IFT88: variants seen among roughly 807,000 people sequenced by gnomAD.
The protein encoded by IFT88 is intraflagellar transport 88, also known as intraflagellar transport protein 88 homolog.
A neutral mutation model predicts 119.5 loss-of-function variants in IFT88; 74 were observed. That is an observed-to-expected ratio of 0.62 (90% CI 0.51 to 0.75). The LOEUF (loss-of-function observed/expected upper bound fraction) is 0.75. Among genes scored for constraint, IFT88 ranks in the 30% least tolerant of loss-of-function variants. IFT88 has a pLI of 0.00. For missense variants in IFT88, 961 were observed against 977.7 expected (o/e 0.98, Z 0.23); for synonymous variants, 279 against 316.7 (o/e 0.88, Z 1.26).
intron 16 of IFT88, among the ~76,000 whole-genome samples, chr13:20,638,071 A>C (rs956624558): frequency 3.3e-5 from 5 of 152,188 alleles, no homozygotes; most frequent in Non-Finnish European, 7.3e-5. Context: ...TTGGGCGTTG[A>C]GTATGGAACC....
At chr13:20,633,478 G>A (rs2048519491) in intron 16 of IFT88, among the ~76,000 whole-genome samples, 1 of 152,180 alleles carries the variant, frequency 6.6e-6, no homozygotes, top group African/African-American at 2.4e-5. Flanking sequence ...CTGGTGGCCA[G>A]TAGCACCTCC....
intron 25 of IFT88, 89 bp downstream of exon 25, chr13:20,690,904 G>T (rs1408887963): frequency 1.4e-6 from 2 of 1,386,628 alleles, no homozygotes; most frequent in Non-Finnish European, 2.0e-6. Flanking sequence ...GAATTCTTAA[G>T]AATTTGATAT....
chr13:20,650,706 A>G (rs2051504866), intron 20 of IFT88, among the ~76,000 whole-genome samples: 1 of 152,208 alleles, frequency 6.6e-6, no homozygotes, highest in Admixed American at 6.5e-5. Flanking sequence ...TCTTATATGT[A>G]GAAATCCCTA....
At chr13:20,615,335 G>A (rs1472887083) in intron 13 of IFT88, among the ~76,000 whole-genome samples, 3 of 152,024 alleles carry the variant, frequency 2.0e-5, no homozygotes, top group African/African-American at 7.3e-5. Flanking sequence ...ATATATGTAC[G>A]TACGTGTACA....
intron 23 of IFT88, among the ~76,000 whole-genome samples, chr13:20,668,173 G>A (rs118143240): frequency 0.041 from 6,266 of 152,282 alleles, 428 homozygotes; most frequent in Admixed American, 0.18. Flanking sequence ...TGGAATACCC[G>A]GTGGGGCATC....
chr13:20,598,755 T>G lies in IFT88; in HGVS notation c.697+2T>G, dbSNP rs749229770. On this transcript the variant is annotated splice_donor_variant, in intron 10 of 25. Coordinates refer to ENST00000351808, the MANE Select transcript of IFT88 (RefSeq NM_006531.5). LOFTEE classifies it high-confidence loss of function. ...AAAATAAGATGTTTAGCAATGCAGGTAAGTGTACATAATCAGTTTTTCCAA... is the reference window on the plus strand; with the variant it reads ...AAAATAAGATGTTTAGCAATGCAGGGAAGTGTACATAATCAGTTTTTCCAA... 3.3e-6 allele frequency: 5 copies of G among 1,531,548 alleles called. No homozygotes were observed. In the South Asian group the frequency reaches 5.6e-5, roughly 17 times the overall value. The allele number at this position is 1,531,548 out of a possible 1,614,324, so 94.9% of individuals were successfully genotyped here. A position where few individuals can be genotyped will look rare whatever the true frequency, so the allele number is the denominator to read the frequency against.
At chr13:20,668,766 G>GA (rs777180932) in intron 23 of IFT88, among the ~76,000 whole-genome samples, 96 of 152,346 alleles carry the variant, frequency 6.3e-4, no homozygotes, top group Non-Finnish European at 1.1e-3. Context: ...CTGAAAAGAT[G>GA]AGGGAGGGCA....
chr13:20,658,107 T>G lies in IFT88; in HGVS notation c.2068+1677T>G, dbSNP rs150143713. 2.6e-5 allele frequency among the ~76,000 whole-genome samples: 4 copies of G among 152,186 alleles called. No individual in the cohort carries two copies. The East Asian group carries it at 7.7e-4, about 29-fold the overall frequency. ...GGGAATTAATTCTAGAATTTTTTTT[T>G]TTTTTTGAGATGGAGTTTTCTTCTT... On this transcript the variant is annotated intron_variant, in intron 22 of 25. Coordinates refer to ENST00000351808, the MANE Select transcript of IFT88 (RefSeq NM_006531.5).
intron 9 of IFT88, 83 bp downstream of exon 9, chr13:20,597,202 T>A: frequency 3.1e-6 from 2 of 651,294 alleles, no homozygotes; most frequent in Non-Finnish European, 2.5e-6. Context: ...CTTTTATTTT[T>A]AAAATCTTAC....
At chr13:20,664,164 G>T (rs2054269656) in intron 23 of IFT88, among the ~76,000 whole-genome samples, 2 of 152,134 alleles carry the variant, frequency 1.3e-5, no homozygotes, top group Admixed American at 6.6e-5. Flanking sequence ...AATGGAAAAA[G>T]ATTTGTATAA....
rs557305018 is a variant in IFT88 at position 20,637,319 on chromosome 13, C to T, written c.1387-1013C>T. On this transcript the variant is annotated intron_variant, in intron 16 of 25. Coordinates refer to ENST00000351808, the MANE Select transcript of IFT88 (RefSeq NM_006531.5). The stretch of plus-strand genomic sequence containing the variant: ...ACTTTTTAAAAAGTTTAACGAGGGA[C>T]GGTCACTGTGAGTGTTATGGGAAAA... Among the ~76,000 whole-genome samples the T allele has an allele frequency of 5.9e-5, 9 of 152,206 alleles. No homozygotes were observed. The East Asian group carries it at 1.5e-3, about 26-fold the overall frequency.
At chr13:20,644,815 A>G in intron 19 of IFT88, 28 bp from the exon 20 acceptor site, 1 of 947,860 alleles carries the variant, frequency 1.1e-6, no homozygotes, top group Non-Finnish European at 1.7e-6. Context: ...TTGAAGTTGT[A>G]TTGTTACATT....
intron 1 of IFT88, among the ~76,000 whole-genome samples, chr13:20,568,710 C>T (rs2035503593): frequency 6.6e-6 from 1 of 152,068 alleles, no homozygotes; most frequent in African/African-American, 2.4e-5. Context: ...TTACCAGTGA[C>T]TTTTAATACC....
intron 23 of IFT88, among the ~76,000 whole-genome samples, chr13:20,667,847 C>A (rs1180851469): frequency 6.6e-6 from 1 of 152,126 alleles, no homozygotes; most frequent in Non-Finnish European, 1.5e-5. Context: ...ATTCTTTATC[C>A]TTCCAGCCAA....
intron 3 of IFT88, among the ~76,000 whole-genome samples, chr13:20,587,805 T>C (rs1049168561): frequency 6.6e-6 from 1 of 152,290 alleles, no homozygotes; most frequent in East Asian, 1.9e-4. Flanking sequence ...ATTTTTATTG[T>C]ATGTCTTTCC....
At chr13:20,605,466 T>C (rs1293152046) in intron 13 of IFT88, among the ~76,000 whole-genome samples, 2 of 152,184 alleles carry the variant, frequency 1.3e-5, no homozygotes, top group African/African-American at 4.8e-5. Context: ...GTCTTTATGT[T>C]TTTTTATCCT....
chr13:20,614,786 T>A (rs1445587069), intron 13 of IFT88, among the ~76,000 whole-genome samples: 1 of 151,876 alleles, frequency 6.6e-6, no homozygotes, highest in African/African-American at 2.4e-5. Context: ...ACAAGATGAA[T>A]GTTGAATGAT....
rs1261745517 is a variant in IFT88, at chr13:20,643,510, A to G, written c.1738A>G (p.Ser580Gly). 2 of 1,611,936 alleles carry G rather than the reference A, an allele frequency of 1.2e-6. No individual in the cohort carries two copies. The highest frequency in any genetic ancestry group is 1.7e-6 in the Non-Finnish European group (2 of 1,178,836). ...TATTGAATGGCTAATGCAGGTGGTC[A>G]GTGTTATTCCAACCGATCCTCAAGT... ...QAIEWLMQVV[S>G]VIPTDPQVLS... The change falls in exon 19 of 26, where the codon AGT becomes GGT. Residue 580 changes from serine (S) to glycine (G), a missense_variant. Ser to Gly is a moderately conservative substitution (Grantham distance 56, BLOSUM62 0). Transcript: ENST00000351808.
intron 24 of IFT88, among the ~76,000 whole-genome samples, chr13:20,675,967 T>C (rs1383554392): frequency 6.6e-6 from 1 of 152,212 alleles, no homozygotes; most frequent in Non-Finnish European, 1.5e-5. Flanking sequence ...CTGGGAATTA[T>C]CCTTTTGATC....
Sources: gnomAD v4.1 joint callset for allele counts (sites outside exome capture counted in the v4.1 genomes callset) on GRCh38, gnomAD v4.1.1 for gene constraint, MANE v1.5 for transcripts, NCBI Gene and HGNC (gene_info 2026-07-23, HGNC 2026-07-21) for gene names.